KCNT2: variants seen among roughly 807,000 people sequenced by gnomAD.
KCNT2 encodes potassium channel subfamily T member 2.
In KCNT2, 67 loss-of-function variants were observed where a neutral mutation model predicts 153.8. The ratio of observed to expected loss-of-function variants is 0.44; its 90% confidence interval spans 0.36 to 0.53. The LOEUF (loss-of-function observed/expected upper bound fraction) is 0.53, where lower values mean the gene tolerates loss of function less well. Among genes scored for constraint, KCNT2 ranks in the 20% least tolerant of loss-of-function variants. The pLI is 0.00. For synonymous variants in KCNT2, 500 were observed against 458.8 expected (o/e 1.09, Z -1.15); for missense variants, 975 against 1,354.8 (o/e 0.72, Z 4.40).
At chr1:196,534,315 C>T (rs530981155) in intron 1 of KCNT2, among the ~76,000 whole-genome samples, 4 of 152,210 alleles carry the variant, frequency 2.6e-5, no homozygotes, top group African/African-American at 9.6e-5. Context: ...CTACTAGACT[C>T]TGTGGAAAAT....
chr1:196,288,713 T>C (rs972153431), intron 22 of KCNT2, among the ~76,000 whole-genome samples: 1 of 152,088 alleles, frequency 6.6e-6, no homozygotes, highest in Non-Finnish European at 1.5e-5. Context: ...ATGAGGATGA[T>C]ACACAGGTCT....
chr1:196,300,864 A>C (rs1661122880), intron 22 of KCNT2, among the ~76,000 whole-genome samples: 1 of 152,034 alleles, frequency 6.6e-6, no homozygotes, highest in Non-Finnish European at 1.5e-5. Context: ...AGAAACTAAT[A>C]CCCCAAAATA....
intron 25 of KCNT2, among the ~76,000 whole-genome samples, chr1:196,266,028 A>G (rs113292171): frequency 0.011 from 1,644 of 152,316 alleles, 32 homozygotes; most frequent in African/African-American, 0.035. Context: ...AACAAAAACA[A>G]AACTGGATAT....
At chr1:196,307,776 T>C (rs1178964683) in intron 21 of KCNT2, among the ~76,000 whole-genome samples, 1 of 152,024 alleles carries the variant, frequency 6.6e-6, no homozygotes, top group Non-Finnish European at 1.5e-5. Flanking sequence ...TAAATAAAAG[T>C]TATTTTCTCA....
chr1:196,317,467 T>G (rs1449647223), intron 20 of KCNT2, among the ~76,000 whole-genome samples: 1 of 151,696 alleles, frequency 6.6e-6, no homozygotes, highest in Non-Finnish European at 1.5e-5. Flanking sequence ...GGAAAATGAA[T>G]GTGTTATGGC....
At chr1:196,426,675 G>A (rs1392833865) in intron 10 of KCNT2, among the ~76,000 whole-genome samples, 1 of 151,822 alleles carries the variant, frequency 6.6e-6, no homozygotes, top group Non-Finnish European at 1.5e-5. Context: ...AATTTCTGGA[G>A]TTTAAATAAT....
intron 27 of KCNT2, 81 bp from the exon 28 acceptor site, chr1:196,228,416 A>G: frequency 1.4e-6 from 1 of 726,796 alleles, no homozygotes; most frequent in Non-Finnish European, 2.3e-6. Context: ...TCATATTTCT[A>G]ATTTATTTGT....
chr1:196,344,308 C>T (rs1665951910), intron 14 of KCNT2, among the ~76,000 whole-genome samples: 2 of 152,068 alleles, frequency 1.3e-5, no homozygotes, highest in African/African-American at 4.8e-5. Context: ...TAAACCTAGT[C>T]GACTTACTAA....
chr1:196,286,068 A>G (rs1392774061), intron 22 of KCNT2, among the ~76,000 whole-genome samples: 1 of 152,184 alleles, frequency 6.6e-6, no homozygotes, highest in Non-Finnish European at 1.5e-5. Flanking sequence ...AAATGTGAAA[A>G]AAAAACTAAC....
intron 1 of KCNT2, among the ~76,000 whole-genome samples, chr1:196,522,548 A>C (rs1172351163): frequency 2.6e-5 from 4 of 152,194 alleles, no homozygotes; most frequent in Non-Finnish European, 2.9e-5. Context: ...CTTAGTTTGC[A>C]ATTGAGAAAA....
chr1:196,563,385 A>G (rs1339134317), intron 1 of KCNT2, among the ~76,000 whole-genome samples: 1 of 150,936 alleles, frequency 6.6e-6, no homozygotes, highest in Non-Finnish European at 1.5e-5. Flanking sequence ...CTGGAAATGC[A>G]GTCTGTCATT....
intron 12 of KCNT2, among the ~76,000 whole-genome samples, chr1:196,407,254 C>CT (rs777377685): frequency 9.9e-5 from 15 of 151,394 alleles, no homozygotes; most frequent in Non-Finnish European, 2.1e-4. Context: ...TTGAAACTCA[C>CT]TGGTATACAA....
Position 196,319,149 on chromosome 1 carries a change from C to T in KCNT2, c.2348+335G>A, listed in dbSNP as rs545167115. Among the ~76,000 whole-genome samples the T allele has an allele frequency of 3.3e-5, 5 of 151,786 alleles. No individual in the cohort carries two copies. The South Asian group carries it at 1.0e-3, about 32-fold the overall frequency. ...TTTCCAGAAGTTATCGTAACGCTATCAATGCATCACAATATTGCAACTTTA... is the reference window on the plus strand; with the variant it reads ...TTTCCAGAAGTTATCGTAACGCTATTAATGCATCACAATATTGCAACTTTA... On this transcript the variant is annotated intron_variant, in intron 20 of 27. Coordinates refer to ENST00000294725, the MANE Select transcript of KCNT2 (RefSeq NM_198503.5).
At chr1:196,607,373 A>G (rs1359891880) in intron 1 of KCNT2, among the ~76,000 whole-genome samples, 1 of 152,264 alleles carries the variant, frequency 6.6e-6, no homozygotes, top group Non-Finnish European at 1.5e-5. Flanking sequence ...TCGCTGAAAT[A>G]CAAAATGTGC....
chr1:196,572,112 C>A (rs951606522), intron 1 of KCNT2, among the ~76,000 whole-genome samples: 1 of 152,032 alleles, frequency 6.6e-6, no homozygotes, highest in Non-Finnish European at 1.5e-5. Flanking sequence ...TCATCTCTTC[C>A]AAATGGTAGC....
chr1:196,383,781 T>C (rs1313587414), intron 13 of KCNT2, among the ~76,000 whole-genome samples: 2 of 152,208 alleles, frequency 1.3e-5, no homozygotes, highest in Non-Finnish European at 2.9e-5. Context: ...AGAAATGCTA[T>C]ATAAAGTAGG....
rs145989981 is a variant in KCNT2 at position 196,297,967 on chromosome 1, C to A, written c.2595+7267G>T. Among the ~76,000 whole-genome samples, 529 of 152,220 alleles carry A rather than the reference C, an allele frequency of 3.5e-3. 8 individuals are homozygous for A. The highest frequency in any genetic ancestry group is 0.02 in the Middle Eastern group (6 of 294). ...TATGTGCTCAGTAAATATTTATTCA[C>A]TTGAGTTTAAATTGAGAATGTGTAA... On this transcript the variant is annotated intron_variant, in intron 22 of 27. Transcript: ENST00000294725.
At chr1:196,523,259 A>T (rs921003530) in intron 1 of KCNT2, among the ~76,000 whole-genome samples, 1 of 152,200 alleles carries the variant, frequency 6.6e-6, no homozygotes, top group Non-Finnish European at 1.5e-5. Flanking sequence ...CTCCAGACAC[A>T]TCTGAACATC....
intron 1 of KCNT2, among the ~76,000 whole-genome samples, chr1:196,549,729 G>T (rs1169149275): frequency 6.6e-6 from 1 of 151,922 alleles, no homozygotes; most frequent in African/African-American, 2.4e-5. Context: ...AGCCATGTGG[G>T]TCTTTTATTC....
Sources: allele counts gnomAD v4.1 joint callset (sites outside exome capture counted in the v4.1 genomes callset), GRCh38; gene constraint gnomAD v4.1.1; transcripts MANE v1.5; gene names NCBI Gene and HGNC (gene_info 2026-07-23, HGNC 2026-07-21).